MAPK7: variants seen among roughly 807,000 people sequenced by gnomAD.
The protein encoded by MAPK7 is BMK-1.
MAPK7 carries 30 observed loss-of-function variants against 56.9 expected under a neutral mutation model. The ratio of observed to expected loss-of-function variants is 0.53; its 90% CI spans 0.39 to 0.72. The LOEUF is 0.72. MAPK7 is among the 30% of genes least tolerant of loss of function. MAPK7 has a pLI of 0.00. For missense variants in MAPK7, 952 were observed against 1,110.8 expected, an observed-to-expected ratio of 0.86 and a Z score of 2.03; for synonymous variants, 516 against 449.3, an observed-to-expected ratio of 1.15 and a Z score of -1.88.
Position 19,378,690 on chromosome 17 carries a change from C to T in MAPK7, c.-6+60C>T. The T allele has an allele frequency of 7.1e-7, 1 of 1,407,336 alleles. No individual in the cohort carries two copies. The highest frequency in any genetic ancestry group is 9.2e-7 in the Non-Finnish European group (1 of 1,082,520). 87.2% of individuals were successfully genotyped at this position (1,407,336 alleles called of 1,614,324 possible). On this transcript the variant is annotated intron_variant, in intron 1 of 6. Coordinates refer to ENST00000395604, the MANE Select transcript of MAPK7 (RefSeq NM_002749.4). The surrounding 1 kb of genome is among the most constrained non-coding windows in gnomAD (Gnocchi z 5.4). ...CCCCTCCCTTTCTTCCTGGCCCGCG[C>T]CTCGCCTACCCCTCCCCCGACCCTG...
At chr17:19,382,500 G>T in intron 5 of MAPK7, 34 bp downstream of exon 5, 1 of 1,536,150 alleles carries the variant, frequency 6.5e-7, no homozygotes, top group Non-Finnish European at 8.7e-7. Flanking sequence ...GGGACACCTG[G>T]GTCTGGGCCA....
In MAPK7 at chr17:19,382,392, G is replaced by A. The variant is rs138826180; in HGVS notation, c.2089G>A (p.Gly697Arg). Residue 697 changes from glycine to arginine, a missense_variant, in exon 5 of 7, where the codon GGG (glycine) becomes AGG (arginine). By Grantham distance (125) the Gly-to-Arg change is moderately radical. Transcript: ENST00000395604. ...FPPGLPPPDA[G>R]GAPQSSMSES... ...ACCTGGCCTGCCGCCCCCAGACGCC[G>A]GGGGAGCCCCTCAGTCTTCCATGTC... is the stretch of plus-strand genomic sequence containing the variant. 557 of 1,613,132 alleles carry A rather than the reference G, an allele frequency of 3.5e-4. 8 individuals are homozygous for A. The East Asian group carries it at 0.012, about 34-fold the overall frequency.
upstream of MAPK7, chr17:19,377,817 C>G (rs1912223350): frequency 2.0e-6 from 2 of 984,818 alleles, no homozygotes; most frequent in African/African-American, 3.5e-5. Flanking sequence ...CAGCCCAAAG[C>G]ACGGGAATCG....
At position 19,383,189 on chromosome 17, in the gene MAPK7, C is replaced by T. The variant is rs1393826255; in HGVS notation, c.2409C>T (p.Ser803=). 1.2e-6 allele frequency: 2 copies of T among 1,614,006 alleles called. No individual in the cohort carries two copies. Among genetic ancestry groups the T allele is most frequent in the Non-Finnish European group, 8.5e-7 (1 of 1,180,030 alleles). The change falls in exon 7 of 7, where the codon TCC becomes TCT. Residue 803 remains serine, a synonymous_variant. Coordinates refer to ENST00000395604, the MANE Select transcript of MAPK7 (RefSeq NM_002749.4). The part of the protein sequence containing the change: ...ESLQREIQMD[S]PMLLADLPDL... ...TGCAGCGTGAGATCCAGATGGACTC[C>T]CCAATGCTGCTGGCTGACCTGCCTG...
Position 19,381,302 on chromosome 17 carries a change from T to C in MAPK7, c.1093T>C (p.Phe365Leu), listed in dbSNP as rs1369004649. 1 of 1,613,968 alleles carries C rather than the reference T, an allele frequency of 6.2e-7. No individual in the cohort carries two copies. The highest frequency in any genetic ancestry group is 2.2e-5 in the East Asian group (1 of 44,904). The change falls in exon 4 of 7, where the codon TTT (phenylalanine) becomes CTT (leucine). Residue 365 changes from phenylalanine to leucine, a missense_variant. Coordinates refer to ENST00000395604, the MANE Select transcript of MAPK7 (RefSeq NM_002749.4). This position sits in a 1 kb window ranked among gnomAD's most constrained non-coding sequence, Gnocchi z 4.6. ...DEPDCAPPFD[F>L]AFDREALTRE... is the part of the protein sequence containing the mutation. ...GCCTGACTGTGCCCCGCCCTTTGAC[T>C]TTGCCTTTGACCGCGAAGCCCTCAC...
At position 19,380,934 on chromosome 17, in the gene MAPK7, C is replaced by T; in HGVS notation, c.725C>T (p.Ala242Val). 1 of 1,614,226 alleles carries T rather than the reference C, an allele frequency of 6.2e-7. No individual in the cohort carries two copies. Among genetic ancestry groups the T allele is most frequent in the Non-Finnish European group, 8.5e-7 (1 of 1,180,054 alleles). Residue 242 changes from alanine to valine, a missense_variant, in exon 4 of 7, where the codon GCT (alanine) becomes GTT (valine). Ala to Val is a moderately conservative substitution (Grantham distance 64). Coordinates refer to ENST00000395604, the MANE Select transcript of MAPK7 (RefSeq NM_002749.4). ...LMLSLHEYTQ[A>V]IDLWSVGCIF... The stretch of plus-strand genomic sequence containing the variant: ...CTCTCTTTGCATGAGTATACACAGG[C>T]TATTGACCTCTGGTCTGTGGGCTGC...
Position 19,378,546 on chromosome 17 carries a change from A to C in MAPK7, c.-90A>C. 8.6e-7 allele frequency: 1 copy of C among 1,166,056 alleles called. No homozygotes were observed. Among genetic ancestry groups the C allele is most frequent in the Non-Finnish European group, 1.1e-6 (1 of 939,282 alleles). The allele number at this position is 1,166,056 out of a possible 1,614,324, so 72.2% of individuals were successfully genotyped here. On this transcript the variant is annotated 5_prime_UTR_variant, in exon 1 of 7. Transcript: ENST00000395604. The surrounding 1 kb of genome is among the most constrained non-coding windows in gnomAD (Gnocchi z 5.4). ...GGTGGCTGCGGCCTTTGAACAAGTAAGTGAGCCACCCTCGGAGACCCCCGC... is the reference window on the plus strand; with the variant it reads ...GGTGGCTGCGGCCTTTGAACAAGTACGTGAGCCACCCTCGGAGACCCCCGC...
upstream of MAPK7, chr17:19,378,186 A>G (rs1307417085): frequency 3.0e-6 from 3 of 983,812 alleles, no homozygotes; most frequent in Non-Finnish European, 3.6e-6. This position sits in a 1 kb window ranked among gnomAD's most constrained non-coding sequence, Gnocchi z 5.4. Flanking sequence ...TGAGGTTGAG[A>G]GCTTCATGGG....
At chr17:19,379,380 T>C in intron 2 of MAPK7, 2 of 581,410 alleles carry the variant, frequency 3.4e-6, no homozygotes, top group Non-Finnish European at 6.1e-6. Flanking sequence ...TAGACCAGAA[T>C]GGAGAGCCAG....
At position 19,382,679 on chromosome 17, in the gene MAPK7, G is replaced by A. The variant is rs1912823070; in HGVS notation, c.2164-134G>A. 5.6e-6 allele frequency: 8 copies of A among 1,421,090 alleles called. No homozygotes were observed. In the South Asian group the frequency reaches 1.1e-4, roughly 20 times the overall value. The allele number at this position is 1,421,090 out of a possible 1,614,324, so 88.0% of individuals were successfully genotyped here. A position where few individuals can be genotyped will look rare whatever the true frequency, so the allele number is the denominator to read the frequency against. On this transcript the variant is annotated intron_variant, in intron 5 of 6. Coordinates refer to ENST00000395604, the MANE Select transcript of MAPK7 (RefSeq NM_002749.4). ...GCAAAGTGCCTAGCCCAGAGATGGGGCCAGCCAGCACTCACTGACTGCCGA... is the reference window on the plus strand; with the variant it reads ...GCAAAGTGCCTAGCCCAGAGATGGGACCAGCCAGCACTCACTGACTGCCGA...
upstream of MAPK7, chr17:19,378,470 T>G: frequency 9.7e-7 from 1 of 1,030,856 alleles, no homozygotes. The surrounding 1 kb of genome is among the most constrained non-coding windows in gnomAD (Gnocchi z 5.4). Flanking sequence ...GAGCGTGGCC[T>G]TGGGAGGCGG....
chr17:19,379,498 T>TGA, intron 2 of MAPK7: 1 of 557,292 alleles, frequency 1.8e-6, no homozygotes, highest in Admixed American at 3.3e-5. Context: ...CATAAGAGGC[T>TGA]GAGCTACACC....
Position 19,379,081 on chromosome 17 carries a change from A to C in MAPK7, c.181A>C (p.Ile61Leu), listed in dbSNP as rs371411625. 6.9e-5 allele frequency: 112 copies of C among 1,613,956 alleles called. No individual in the cohort carries two copies. Among genetic ancestry groups the C allele is most frequent in the Non-Finnish European group, 9.2e-5 (109 of 1,180,002 alleles). ...CGACGAGTACGAGATCATCGAGACC[A>C]TAGGCAACGGGGCCTATGGAGTGGT... Reference protein sequence around the residue: ...VGDEYEIIETIGNGAYGVVSS... With the variant: ...VGDEYEIIETLGNGAYGVVSS... Residue 61 changes from isoleucine to leucine, a missense_variant, in exon 2 of 7, where the codon ATA becomes CTA. Ile to Leu is a conservative substitution (Grantham distance 5, BLOSUM62 2). This residue lies in a region of MAPK7 where 213 missense variants were observed against 243.2 expected (regional missense o/e 0.88). Coordinates refer to ENST00000395604, the MANE Select transcript of MAPK7 (RefSeq NM_002749.4).
At chr17:19,379,699 A>G (rs1912475636) in intron 2 of MAPK7, 83 bp from the exon 3 acceptor site, 7 of 1,282,970 alleles carry the variant, frequency 5.5e-6, no homozygotes, top group Non-Finnish European at 6.6e-6. Context: ...TGCATCCTAG[A>G]AGGGAGGTGT....
chr17:19,377,751 C>T, upstream of MAPK7: 1 of 852,352 alleles, frequency 1.2e-6, no homozygotes, highest in Non-Finnish European at 1.4e-6. Context: ...GCTCCGCCCA[C>T]CCGCGGGCTC....
At position 19,381,754 on chromosome 17, in the gene MAPK7, C is replaced by T. The variant is rs1461646173; in HGVS notation, c.1478-27C>T. 2 of 1,538,664 alleles carry T rather than the reference C, an allele frequency of 1.3e-6. No individual in the cohort carries two copies. Among genetic ancestry groups the T allele is most frequent in the South Asian group, 1.3e-5 (1 of 77,274 alleles). Reference sequence around the variant, plus strand: ...CTTGGACAAGGCTTCAGGCTTTTACCTTCTCCCCTGCCCAACTTCCCCGCA... The same window carrying T: ...CTTGGACAAGGCTTCAGGCTTTTACTTTCTCCCCTGCCCAACTTCCCCGCA... On this transcript the variant is annotated intron_variant, in intron 4 of 6. Transcript: ENST00000395604. The surrounding 1 kb of genome is among the most constrained non-coding windows in gnomAD (Gnocchi z 4.6).
At position 19,379,964 on chromosome 17, in the gene MAPK7, G is replaced by T; in HGVS notation, c.398+17G>T. 1 of 1,608,186 alleles carries T rather than the reference G, an allele frequency of 6.2e-7. No homozygotes were observed. The highest frequency in any genetic ancestry group is 1.1e-5 in the South Asian group (1 of 90,626). ...CAAATCTGTGTAAGAAGCGGGATGG[G>T]AGAGGGAGCCAGACTTGGGACTTTT... On this transcript the variant is annotated intron_variant, in intron 3 of 6. Coordinates refer to ENST00000395604, the MANE Select transcript of MAPK7 (RefSeq NM_002749.4).
Position 19,381,378 on chromosome 17 carries a change from C to T in MAPK7, c.1169C>T (p.Ala390Val), listed in dbSNP as rs1269880063. 1.2e-6 allele frequency: 2 copies of T among 1,614,070 alleles called. No individual in the cohort carries two copies. Among genetic ancestry groups the T allele is most frequent in the South Asian group, 1.1e-5 (1 of 91,092 alleles). Residue 390 changes from alanine to valine, a missense_variant, in exon 4 of 7, where the codon GCA becomes GTA. Ala to Val is a moderately conservative substitution (Grantham distance 64). Coordinates refer to ENST00000395604, the MANE Select transcript of MAPK7 (RefSeq NM_002749.4). This position sits in a 1 kb window ranked among gnomAD's most constrained non-coding sequence, Gnocchi z 4.6. ...AIVAEIEDFH[A>V]RREGIRQQIR... ...GTGGCTGAAATTGAGGACTTCCATG[C>T]AAGGCGTGAGGGCATCCGCCAACAG... is the stretch of plus-strand genomic sequence containing the variant.
Position 19,383,099 on chromosome 17 carries a change from C to G in MAPK7, c.2319C>G (p.Leu773=). The G allele has an allele frequency of 6.2e-7, 1 of 1,614,206 alleles. No individual in the cohort carries two copies. Among genetic ancestry groups the G allele is most frequent in the Non-Finnish European group, 8.5e-7 (1 of 1,180,034 alleles). ...GCAGCCAGGCAGATTCAGCCTCTCT[C>G]TCAGCCTCCCTGCTTGCTGACTGGC... is the stretch of plus-strand genomic sequence containing the variant. ...PQDGQADSAS[L]SASLLADWLE... Residue 773 remains leucine, a synonymous_variant, in exon 7 of 7, where the codon CTC becomes CTG. Coordinates refer to ENST00000395604, the MANE Select transcript of MAPK7 (RefSeq NM_002749.4).
Sources: allele counts gnomAD v4.1 joint callset, GRCh38; gene constraint gnomAD v4.1.1; regional missense constraint gnomAD v4.1.1; non-coding constraint Gnocchi (gnomAD v3.1); transcripts MANE v1.5; gene names NCBI Gene and HGNC (gene_info 2026-07-23, HGNC 2026-07-21).